LRRC36: variants seen among roughly 807,000 people sequenced by gnomAD.
LRRC36 encodes leucine-rich repeat-containing protein 36.
A neutral mutation model predicts 81.1 loss-of-function variants in LRRC36; 62 were observed. That is an observed-to-expected ratio of 0.76 (90% CI 0.62 to 0.94). LRRC36 has a LOEUF of 0.94. LRRC36 is among the 40% of genes least tolerant of loss of function. The pLI is 0.00. For synonymous variants in LRRC36, 334 were observed against 348.6 expected, an observed-to-expected ratio of 0.96 and a Z score of 0.47; for missense variants, 761 against 881.7, an observed-to-expected ratio of 0.86 and a Z score of 1.73.
chr16:67,347,460 A>G, intron 3 of LRRC36, 35 bp from the exon 4 acceptor site: 1 of 1,610,996 alleles, frequency 6.2e-7, no homozygotes, highest in Non-Finnish European at 8.5e-7. Flanking sequence ...ATGCCAAAAA[A>G]AGAAACATGC....
chr16:67,371,484 T>C (rs1402920086), intron 9 of LRRC36: 1 of 535,606 alleles, frequency 1.9e-6, no homozygotes. Context: ...CCTGATCTAC[T>C]TCCGGCTGAA....
At chr16:67,375,018 T>C (rs1256932754) in intron 9 of LRRC36, among the ~76,000 whole-genome samples, 1 of 151,686 alleles carries the variant, frequency 6.6e-6, no homozygotes, top group African/African-American at 2.4e-5. Context: ...TCCCAGCTAC[T>C]TGGGAGGCTG....
chr16:67,347,618 A>T, intron 4 of LRRC36, 27 bp downstream of exon 4: 1 of 1,564,014 alleles, frequency 6.4e-7, no homozygotes, highest in Non-Finnish European at 8.8e-7. Flanking sequence ...CAAAATTTTT[A>T]AAGTTTGGTT....
chr16:67,380,936 G>A (rs1420203571), intron 12 of LRRC36, among the ~76,000 whole-genome samples: 1 of 152,138 alleles, frequency 6.6e-6, no homozygotes, highest in African/African-American at 2.4e-5. Flanking sequence ...GCATATTACA[G>A]TTTAAGGCTG....
intron 9 of LRRC36, among the ~76,000 whole-genome samples, chr16:67,373,707 CA>C (rs552146686): frequency 8.5e-3 from 300 of 35,414 alleles, no homozygotes; most frequent in African/African-American, 0.018. Context: ...GACTCTGTCT[CA>C]AAAAAAAAAA....
In LRRC36 at chr16:67,341,464, A is replaced by G. The variant is rs575829681; in HGVS notation, c.71-493A>G. Among the ~76,000 whole-genome samples the G allele has an allele frequency of 7.2e-5, 11 of 151,752 alleles. 2 individuals carry two copies. In the South Asian group the frequency reaches 2.1e-3, roughly 29 times the overall value. Reference sequence around the variant, plus strand: ...TTAAGTGACTTGAACAAGGTCGCAGATGTAGTATATTGTCTTTCGTATCAA... The same window carrying G: ...TTAAGTGACTTGAACAAGGTCGCAGGTGTAGTATATTGTCTTTCGTATCAA... On this transcript the variant is annotated intron_variant, in intron 1 of 13. Transcript: ENST00000329956.
intron 10 of LRRC36, among the ~76,000 whole-genome samples, chr16:67,376,474 T>C (rs2039898215): frequency 1.3e-5 from 2 of 152,230 alleles, no homozygotes; most frequent in South Asian, 4.1e-4. Flanking sequence ...TTGTAGGAAA[T>C]TATCCCCAGG....
chr16:67,335,013 G>A (rs2037691225), intron 1 of LRRC36, among the ~76,000 whole-genome samples: 3 of 152,134 alleles, frequency 2.0e-5, no homozygotes, highest in African/African-American at 7.2e-5. Flanking sequence ...TGGAGGCAGG[G>A]CGAGATCACA....
chr16:67,327,155 TGA>T (rs762682146), intron 1 of LRRC36: 17 of 456,178 alleles, frequency 3.7e-5, no homozygotes, highest in Non-Finnish European at 4.2e-5. Context: ...CCCGAGGAAT[TGA>T]GAGAGAAGAG....
At chr16:67,327,870 C>G (rs550100356) in intron 1 of LRRC36, among the ~76,000 whole-genome samples, 1 of 152,012 alleles carries the variant, frequency 6.6e-6, no homozygotes, top group African/African-American at 2.4e-5. Context: ...TGCAGAGTGT[C>G]TGTTAGATTT....
In LRRC36 at chr16:67,374,640, C is replaced by G. The variant is rs545442111; in HGVS notation, c.1495-607C>G. On this transcript the variant is annotated intron_variant, in intron 9 of 13. Transcript: ENST00000329956. ...CGAGCTCCTGAGATCAAATGATCTG[C>G]CTGCCTCGGCCTCCCAAAGTGCTGG... 1.1e-3 allele frequency among the ~76,000 whole-genome samples: 171 copies of G among 152,108 alleles called. 1 individual carries two copies. The highest frequency in any genetic ancestry group is 2.0e-3 in the Non-Finnish European group (136 of 67,998).
At position 67,363,627 on chromosome 16, in the gene LRRC36, G is replaced by C. The variant is rs780503073; in HGVS notation, c.615G>C (p.Arg205=). ...GACTTTTTATTCCCTTCCCCAACCG[G>C]GAAATAAAGGATTCCCTAAGTACTT... The part of the protein sequence containing the change: ...NKGLFIPFPN[R]EIKDSLSTSA... Residue 205 remains arginine (R), a synonymous_variant, in exon 6 of 14, where the codon CGG becomes CGC. Coordinates refer to ENST00000329956, the MANE Select transcript of LRRC36 (RefSeq NM_018296.6). 29 of 1,613,854 alleles carry C rather than the reference G, an allele frequency of 1.8e-5. No individual in the cohort carries two copies. Among genetic ancestry groups the C allele is most frequent in the Non-Finnish European group, 2.4e-5 (28 of 1,179,902 alleles).
intron 10 of LRRC36, among the ~76,000 whole-genome samples, chr16:67,376,157 A>C (rs2039883603): frequency 6.6e-6 from 1 of 152,088 alleles, no homozygotes; most frequent in Non-Finnish European, 1.5e-5. Flanking sequence ...AAAATACACA[A>C]ATTAGCCAGG....
intron 13 of LRRC36, among the ~76,000 whole-genome samples, chr16:67,384,129 G>A (rs572146061): frequency 4.8e-4 from 73 of 152,240 alleles, no homozygotes; most frequent in African/African-American, 1.6e-3. Flanking sequence ...GTGTGTGGAT[G>A]GCTTTTAACA....
intron 1 of LRRC36, among the ~76,000 whole-genome samples, chr16:67,338,865 ATTTTTTTTTTTTTT>A (rs71145967): frequency 2.9e-4 from 13 of 45,400 alleles, no homozygotes; most frequent in South Asian, 7.4e-4. Flanking sequence ...TGGAAGCTGA[ATTTTTTTTTTTTTT>A]TTTTTTTTTT....
At chr16:67,326,987 A>G (rs2037207949) in intron 1 of LRRC36, 55 bp downstream of exon 1, 3 of 1,436,300 alleles carry the variant, frequency 2.1e-6, no homozygotes, top group Admixed American at 6.1e-5. Context: ...AAGCTGTGGA[A>G]AGAAAACTGA....
intron 1 of LRRC36, among the ~76,000 whole-genome samples, chr16:67,338,513 A>C (rs1011232677): frequency 2.0e-5 from 3 of 152,204 alleles, no homozygotes; most frequent in African/African-American, 7.2e-5. Context: ...CAATATGAAA[A>C]CAGGACAAGT....
At chr16:67,378,282 C>T (rs1056156495) in intron 11 of LRRC36, among the ~76,000 whole-genome samples, 2 of 139,324 alleles carry the variant, frequency 1.4e-5, no homozygotes, top group African/African-American at 5.9e-5. Context: ...CTCTGTTGCC[C>T]AGGCTGGAGT....
Position 67,376,851 on chromosome 16 carries a change from G to A in LRRC36, c.1785G>A (p.Ala595=), listed in dbSNP as rs776288114. The A allele has an allele frequency of 2.0e-5, 32 of 1,612,796 alleles. No homozygotes were observed. In the South Asian group the frequency reaches 3.0e-4, roughly 15 times the overall value. Residue 595 remains alanine, a synonymous_variant, in exon 11 of 14, where the codon GCG becomes GCA. Transcript: ENST00000329956. ...GGGAGCTTGAACTGAAGGAGGCTGC[G>A]CAGCTGGTCCCTAATGACATGGTAT... The part of the protein sequence containing the change: ...CRRELELKEA[A]QLVPNDMESL...
Sources: gnomAD v4.1 joint callset for allele counts (sites outside exome capture counted in the v4.1 genomes callset) on GRCh38, gnomAD v4.1.1 for gene constraint, MANE v1.5 for transcripts, NCBI Gene and HGNC (gene_info 2026-07-23, HGNC 2026-07-21) for gene names.